FGF13: variants seen among roughly 807,000 people sequenced by gnomAD.
FGF13 encodes fibroblast growth factor homologous factor 2.
Under a neutral mutation model 19.5 loss-of-function variants are expected in FGF13, and 2 were observed. The ratio of observed to expected loss-of-function variants is 0.10; its 90% CI spans 0.04 to 0.32. The LOEUF (loss-of-function observed/expected upper bound fraction) is 0.32. FGF13 is among the 10% of genes least tolerant of loss of function. FGF13 has a pLI of 1.00. For synonymous variants in FGF13, 72 were observed against 76.9 expected (o/e 0.94, Z 0.33); for missense variants, 113 against 192.7 (o/e 0.59, Z 2.45).
upstream of FGF13, chrX:139,203,951 G>C: frequency 1.2e-6 from 1 of 855,303 alleles, no homozygotes. Context: ...GTCATGGGCA[G>C]CTTAGGCTCC....
intron 3 of FGF13, among the ~76,000 whole-genome samples, chrX:138,823,313 G>A (rs1346537491): frequency 9.0e-6 from 1 of 111,310 alleles, no homozygotes; most frequent in African/African-American, 3.3e-5. Flanking sequence ...TGCATGATAG[G>A]GTGGGGCCAC....
At chrX:138,713,403 C>CT (rs1436605200), upstream of FGF13, among the ~76,000 whole-genome samples, 3 of 111,742 alleles carry the variant, frequency 2.7e-5, no homozygotes, top group African/African-American at 3.3e-5. Flanking sequence ...TCAGGAGAAG[C>CT]TTTGATCAAG....
rs193124507 is a variant in FGF13, at chrX:138,773,043, A to T, written c.218-64115T>A. Among the ~76,000 whole-genome samples, 382 of 110,107 alleles carry T rather than the reference A, an allele frequency of 3.5e-3. 1 individual carries two copies. Among genetic ancestry groups the T allele is most frequent in the South Asian group, 0.011 (28 of 2,631 alleles). On this transcript the variant is annotated intron_variant, in intron 3 of 6. Transcript: ENST00000436198. ...GGCTGGTCTATATTTAGTAAAAAAA[A>T]AAAAATAAAAATATATAAATAATAT...
At chrX:139,066,023 C>A (rs1247636085) in intron 1 of FGF13, among the ~76,000 whole-genome samples, 1 of 111,601 alleles carries the variant, frequency 9.0e-6, no homozygotes, top group Non-Finnish European at 1.9e-5. Context: ...GAAACTCACC[C>A]AAAACCACAC....
rs186518127 is a variant in FGF13 at position 139,120,163 on chromosome X, C to T, written c.-113+83253G>A. On this transcript the variant is annotated intron_variant, in intron 1 of 2. Coordinates refer to the FGF13 transcript ENST00000421460. ...AGCCTTCTGCCAAGACTGTAAGTTTCTCGAGGCCTCCCCAGCCATGGGGAA... is the reference window on the plus strand; with the variant it reads ...AGCCTTCTGCCAAGACTGTAAGTTTTTCGAGGCCTCCCCAGCCATGGGGAA... 5.7e-3 allele frequency among the ~76,000 whole-genome samples: 641 copies of T among 112,563 alleles called. 3 individuals are homozygous for T. Among genetic ancestry groups the T allele is most frequent in the Non-Finnish European group, 8.4e-3 (446 of 53,257 alleles).
At position 139,161,611 on chromosome X, in the gene FGF13, T is replaced by C. The variant is rs759593394; in HGVS notation, c.-113+41805A>G. Among the ~76,000 whole-genome samples the C allele has an allele frequency of 3.6e-5, 4 of 112,034 alleles. No individual in the cohort carries two copies. In the South Asian group the frequency reaches 1.1e-3, roughly 31 times the overall value. On this transcript the variant is annotated intron_variant, in intron 1 of 2. Transcript: ENST00000421460. ...AATAGGAAGAGAGGAAGTCAAATTG[T>C]CTCTGTATGCACATGACATGATTGT...
intron 3 of FGF13, among the ~76,000 whole-genome samples, chrX:138,645,115 CTG>C (rs1267983955): frequency 1.8e-5 from 2 of 111,666 alleles, no homozygotes; most frequent in Non-Finnish European, 3.8e-5. Context: ...TGAAAGCCTA[CTG>C]TGTCCCAGGC....
At chrX:139,120,371 C>T (rs997549931) in intron 1 of FGF13, among the ~76,000 whole-genome samples, 1 of 112,094 alleles carries the variant, frequency 8.9e-6, no homozygotes, top group Non-Finnish European at 1.9e-5. Flanking sequence ...CTCTTGTATA[C>T]TAACTCACTT....
intron 2 of FGF13, among the ~76,000 whole-genome samples, chrX:138,708,176 C>T (rs985424115): frequency 1.8e-5 from 2 of 112,193 alleles, no homozygotes; most frequent in African/African-American, 6.5e-5. Context: ...TTAAAGGTTA[C>T]GTAACATCTT....
At chrX:138,874,023 A>C (rs868722421) in intron 1 of FGF13, among the ~76,000 whole-genome samples, 1 of 30,627 alleles carries the variant, frequency 3.3e-5, no homozygotes, top group Non-Finnish European at 5.6e-5. Context: ...GGGAGGGGGG[A>C]GGGGTAGCAT....
At chrX:138,697,421 G>C (rs1354348963) in intron 3 of FGF13, among the ~76,000 whole-genome samples, 9 of 109,718 alleles carry the variant, frequency 8.2e-5, no homozygotes, top group Non-Finnish European at 7.6e-5. Flanking sequence ...CATTCCCATG[G>C]CATCAAGCTG....
At chrX:138,822,215 A>G in intron 3 of FGF13, among the ~76,000 whole-genome samples, 1 of 112,301 alleles carries the variant, frequency 8.9e-6, no homozygotes, top group Non-Finnish European at 1.9e-5. Context: ...CTTCACAGTA[A>G]GAGAGTCAAA....
rs1282502846 is a variant in FGF13, at chrX:138,780,499, G to A, written c.218-71571C>T. On this transcript the variant is annotated intron_variant, in intron 3 of 6. Coordinates refer to the FGF13 transcript ENST00000436198. ...ACCAAGCAAATGGAAAACAAAAAAA[G>A]GCAGGGGTTGCAATCCTAGTCTCTG... is the stretch of plus-strand genomic sequence containing the variant. 3.4e-5 allele frequency among the ~76,000 whole-genome samples: 3 copies of A among 88,715 alleles called. 1 individual carries two copies. The highest frequency in any genetic ancestry group is 6.5e-5 in the Non-Finnish European group (3 of 46,038). 77.0% of individuals were successfully genotyped at this position (88,715 alleles called of 115,157 possible). A position where few individuals can be genotyped will look rare whatever the true frequency, so the allele number is the denominator to read the frequency against.
intron 1 of FGF13, among the ~76,000 whole-genome samples, chrX:139,080,150 A>G (rs1003674088): frequency 9.0e-6 from 1 of 111,424 alleles, no homozygotes; most frequent in East Asian, 2.8e-4. Flanking sequence ...AATATTAAAT[A>G]TTCTACAAGG....
intron 1 of FGF13, among the ~76,000 whole-genome samples, chrX:138,866,153 T>A (rs769900778): frequency 1.6e-3 from 175 of 112,761 alleles, no homozygotes; most frequent in African/African-American, 5.2e-3. Flanking sequence ...TGGTTCTTTA[T>A]CCTAGCTGCA....
chrX:139,082,054 G>A (rs1433303388), intron 1 of FGF13, among the ~76,000 whole-genome samples: 1 of 111,229 alleles, frequency 9.0e-6, no homozygotes, highest in Non-Finnish European at 1.9e-5. Context: ...TTAAGGTCCT[G>A]TATGATCTGA....
rs771565290 is a variant in FGF13 at position 138,954,468 on chromosome X, CTTTAAGT to C, written c.-112-89825_-112-89819del. Among the ~76,000 whole-genome samples the C allele has an allele frequency of 6.8e-4, 76 of 111,527 alleles. No individual in the cohort carries two copies. In the East Asian group the frequency reaches 0.014, roughly 20 times the overall value. ...TGGCCTTAGGTAAGTCACTTTATCT[CTTTAAGT>C]TTTATCTTCTTTGTTTTAAAATTAG... On this transcript the variant is annotated intron_variant, in intron 1 of 2. Coordinates refer to the FGF13 transcript ENST00000421460.
intron 1 of FGF13, among the ~76,000 whole-genome samples, chrX:138,966,528 T>C (rs1037400193): frequency 8.9e-6 from 1 of 112,192 alleles, no homozygotes; most frequent in Admixed American, 9.4e-5. Flanking sequence ...ATTTCTCCCA[T>C]TTGGAAGGGG....
chrX:138,730,583 G>C (rs2090222403), intron 1 of FGF13, among the ~76,000 whole-genome samples: 1 of 110,874 alleles, frequency 9.0e-6, no homozygotes, highest in African/African-American at 3.3e-5. Context: ...TTGTAATCTT[G>C]AGAAACTGCC....
Sources: gnomAD v4.1 joint callset for allele counts (sites outside exome capture counted in the v4.1 genomes callset) on GRCh38, gnomAD v4.1.1 for gene constraint, MANE v1.5 for transcripts, NCBI Gene and HGNC (gene_info 2026-07-23, HGNC 2026-07-21) for gene names.